Variants in UBE3D observed in about 807,000 individuals in gnomAD.
UBE3D encodes ubiquitin protein ligase E3D.
In UBE3D, 48 loss-of-function variants were observed where a neutral mutation model predicts 49.6. The observed-to-expected ratio is 0.97, with a 90% CI of 0.77 to 1.23. The LOEUF is 1.23. UBE3D is among the 50% of genes most tolerant of loss of function. The pLI is 0.00. For synonymous variants in UBE3D, 189 were observed against 174.2 expected, an observed-to-expected ratio of 1.08 and a Z score of -0.67; for missense variants, 452 against 468.4, an observed-to-expected ratio of 0.96 and a Z score of 0.32.
At chr6:82,940,875 TTG>T (rs1774956660) in intron 9 of UBE3D, among the ~76,000 whole-genome samples, 1 of 152,098 alleles carries the variant, frequency 6.6e-6, no homozygotes, top group African/African-American at 2.4e-5. Context: ...ATATATATAT[TTG>T]TGTGTGCGTG....
At chr6:83,038,311 A>G (rs2127804682) in intron 5 of UBE3D, 105 bp downstream of exon 5, 1 of 922,442 alleles carries the variant, frequency 1.1e-6, no homozygotes, top group East Asian at 2.7e-5. Context: ...CCAATTCCAC[A>G]ACATATATTA....
At chr6:83,064,852 A>C (rs1376326450) in intron 1 of UBE3D, among the ~76,000 whole-genome samples, 3 of 152,200 alleles carry the variant, frequency 2.0e-5, no homozygotes, top group Non-Finnish European at 2.9e-5. Context: ...TGGCAGATTT[A>C]GGGAAGAGGA....
chr6:82,997,866 T>C (rs770794088), intron 8 of UBE3D, among the ~76,000 whole-genome samples: 1 of 152,178 alleles, frequency 6.6e-6, no homozygotes, highest in Non-Finnish European at 1.5e-5. Flanking sequence ...GGAGTGAAAT[T>C]AGAAATGGTA....
At chr6:82,896,648 G>A (rs970050651) in intron 9 of UBE3D, among the ~76,000 whole-genome samples, 2 of 152,020 alleles carry the variant, frequency 1.3e-5, no homozygotes, top group Admixed American at 6.6e-5. Flanking sequence ...TGTGTGACAC[G>A]TTAAACATTT....
chr6:82,935,426 A>C (rs1336506154), intron 9 of UBE3D, among the ~76,000 whole-genome samples: 1 of 152,146 alleles, frequency 6.6e-6, no homozygotes, highest in Non-Finnish European at 1.5e-5. Context: ...TTGGATGGGG[A>C]CAAATATTCA....
chr6:82,937,368 G>C (rs1774659328), intron 9 of UBE3D, among the ~76,000 whole-genome samples: 1 of 151,940 alleles, frequency 6.6e-6, no homozygotes, highest in African/African-American at 2.4e-5. Context: ...CACAAAAAAA[G>C]CTCCTGAGAA....
chr6:82,951,103 A>G (rs1237989638), intron 9 of UBE3D, among the ~76,000 whole-genome samples: 1 of 152,224 alleles, frequency 6.6e-6, no homozygotes, highest in Non-Finnish European at 1.5e-5. Flanking sequence ...CTAAAAGAGT[A>G]TAAGTGGATT....
intron 9 of UBE3D, among the ~76,000 whole-genome samples, chr6:82,920,968 C>T (rs139761907): frequency 0.02 from 2,800 of 137,458 alleles, 85 homozygotes; most frequent in African/African-American, 0.071. Context: ...TTTGAGACAG[C>T]GTCTTGCTGT....
intron 9 of UBE3D, among the ~76,000 whole-genome samples, chr6:82,955,027 C>T (rs1004726307): frequency 2.6e-5 from 4 of 152,146 alleles, no homozygotes; most frequent in African/African-American, 9.7e-5. Context: ...AGTACAATCA[C>T]CAATAGAAAA....
At chr6:82,932,366 T>A (rs1179756786) in intron 9 of UBE3D, among the ~76,000 whole-genome samples, 1 of 152,178 alleles carries the variant, frequency 6.6e-6, no homozygotes, top group Non-Finnish European at 1.5e-5. Flanking sequence ...TCTGGTCCTA[T>A]AAAATGGTGT....
At chr6:83,050,219 A>G (rs1783377600) in intron 3 of UBE3D, among the ~76,000 whole-genome samples, 1 of 147,946 alleles carries the variant, frequency 6.8e-6, no homozygotes, top group African/African-American at 2.5e-5. Flanking sequence ...TATTTCTATA[A>G]TTAATTTGAC....
chr6:83,032,855 G>A (rs896017646), intron 5 of UBE3D, among the ~76,000 whole-genome samples: 7 of 152,148 alleles, frequency 4.6e-5, no homozygotes. Context: ...CACATGCTCT[G>A]TTGCCTAATG....
chr6:83,016,380 A>G (rs1178046610), intron 8 of UBE3D, among the ~76,000 whole-genome samples: 1 of 152,086 alleles, frequency 6.6e-6, no homozygotes, highest in Non-Finnish European at 1.5e-5. Context: ...ATTTTGCATA[A>G]CTCTCTATAC....
chr6:82,976,857 G>T (rs1362681850), intron 8 of UBE3D, among the ~76,000 whole-genome samples: 1 of 152,110 alleles, frequency 6.6e-6, no homozygotes, highest in Non-Finnish European at 1.5e-5. Context: ...GCTCACGCCT[G>T]TAATCCCAGC....
chr6:82,934,797 T>C (rs1227732464), intron 9 of UBE3D, among the ~76,000 whole-genome samples: 1 of 149,128 alleles, frequency 6.7e-6, no homozygotes, highest in South Asian at 2.1e-4. Context: ...TGAAAATATA[T>C]AGCCACTGAA....
chr6:82,931,889 A>ATGG (rs1343614235), intron 9 of UBE3D, among the ~76,000 whole-genome samples: 74 of 152,182 alleles, frequency 4.9e-4, no homozygotes, highest in African/African-American at 1.6e-3. Context: ...CCTCACTGAA[A>ATGG]TCTCATCTTG....
intron 9 of UBE3D, among the ~76,000 whole-genome samples, chr6:82,911,196 C>CAAAA (rs1156620624): frequency 0.011 from 415 of 39,292 alleles, 59 homozygotes; most frequent in Admixed American, 0.024. Context: ...AACATTTTGG[C>CAAAA]AAAAAAAAAA....
At chr6:82,888,987 C>T (rs1419335487), downstream of UBE3D, among the ~76,000 whole-genome samples, 4 of 152,198 alleles carry the variant, frequency 2.6e-5, no homozygotes, top group East Asian at 7.7e-4. Flanking sequence ...AAAGGTAAAA[C>T]CTATCTTAAA....
chr6:83,028,936 T>C (rs1168403752), intron 5 of UBE3D, among the ~76,000 whole-genome samples: 1 of 152,196 alleles, frequency 6.6e-6, no homozygotes, highest in East Asian at 1.9e-4. Flanking sequence ...CATATCTTAT[T>C]TCAGTGTCTT....
Sources: gnomAD v4.1 joint callset for allele counts (sites outside exome capture counted in the v4.1 genomes callset) on GRCh38, gnomAD v4.1.1 for gene constraint, MANE v1.5 for transcripts, NCBI Gene and HGNC (gene_info 2026-07-23, HGNC 2026-07-21) for gene names.